Variants in DHRSX observed in about 807,000 individuals in gnomAD.
DHRSX encodes the protein polyprenol dehydrogenase.
In DHRSX, 31 loss-of-function variants were observed where a neutral mutation model predicts 34.0. That is an observed-to-expected ratio of 0.91 (90% CI 0.69 to 1.23). The LOEUF (loss-of-function observed/expected upper bound fraction) is 1.23. Among genes scored for constraint, DHRSX ranks in the 50% most tolerant of loss-of-function variants. The probability of loss-of-function intolerance (pLI) is 0.00; values close to 1 mark genes in which losing one functional copy is unlikely to be tolerated. For synonymous variants in DHRSX, 201 were observed against 183.8 expected, an observed-to-expected ratio of 1.09 and a Z score of -0.76; for missense variants, 414 against 428.1, an observed-to-expected ratio of 0.97 and a Z score of 0.29.
chrX:2,386,618 A>G (rs1207023260), intron 3 of DHRSX, among the ~76,000 whole-genome samples: 2 of 152,232 alleles, frequency 1.3e-5, no homozygotes, highest in African/African-American at 4.8e-5. Context: ...ATTTGCATGA[A>G]TTTAGCAAAA....
rs949465353 is a variant in DHRSX, at chrX:2,487,125, GTCTT to G, written c.109+13688_109+13691del. ...AAAGCAGTTCTACATGTTGGAAAAC[GTCTT>G]TCTGTTTCCCTGAATGACTGAAAGC... is the stretch of plus-strand genomic sequence containing the variant. On this transcript the variant is annotated intron_variant, in intron 1 of 6. Coordinates refer to ENST00000334651, the MANE Select transcript of DHRSX (RefSeq NM_145177.3). 2.7e-4 allele frequency: 41 copies of G among 152,308 alleles called. 1 individual carries two copies. Among genetic ancestry groups the G allele is most frequent in the African/African-American group, 7.5e-4 (31 of 41,564 alleles). 9.4% of individuals were successfully genotyped at this position (152,308 alleles called of 1,614,324 possible).
chrX:2,371,780 T>A (rs1279881113), intron 3 of DHRSX, among the ~76,000 whole-genome samples: 3 of 152,170 alleles, frequency 2.0e-5, no homozygotes, highest in Admixed American at 2.0e-4. Context: ...CTCCTCTTAT[T>A]GCAAAAGCTC....
At chrX:2,393,286 G>A (rs2043357251) in intron 3 of DHRSX, among the ~76,000 whole-genome samples, 1 of 151,976 alleles carries the variant, frequency 6.6e-6, no homozygotes, top group South Asian at 2.1e-4. Context: ...AACTATAAAT[G>A]TCTAGACATT....
intron 3 of DHRSX, among the ~76,000 whole-genome samples, chrX:2,378,860 C>T (rs754123899): frequency 5.3e-5 from 8 of 152,164 alleles, no homozygotes; most frequent in Admixed American, 2.6e-4. Context: ...TTAGTACAGA[C>T]GGGGTAGCCC....
At chrX:2,483,255 TTTATTA>T (rs762011804) in intron 1 of DHRSX, among the ~76,000 whole-genome samples, 16,726 of 151,216 alleles carry the variant, frequency 0.11, 1,439 homozygotes, top group South Asian at 0.3. Flanking sequence ...TTGGCTAATT[TTTATTA>T]TTATTATTAT....
intron 3 of DHRSX, among the ~76,000 whole-genome samples, chrX:2,336,199 G>A (rs1245250878): frequency 5.3e-5 from 8 of 151,938 alleles, no homozygotes; most frequent in South Asian, 2.1e-4. Context: ...TAGTAGAGAC[G>A]GGGTTTCACC....
intron 4 of DHRSX, among the ~76,000 whole-genome samples, chrX:2,269,086 T>C (rs1172544835): frequency 1.3e-5 from 2 of 152,278 alleles, no homozygotes; most frequent in African/African-American, 4.8e-5. Flanking sequence ...CATGTGTACA[T>C]ATCTTTCTAT....
At chrX:2,377,960 G>A (rs1462782305) in intron 3 of DHRSX, among the ~76,000 whole-genome samples, 2 of 152,080 alleles carry the variant, frequency 1.3e-5, no homozygotes, top group East Asian at 1.9e-4. Flanking sequence ...GGATGGCCTC[G>A]ATCTCTTGAC....
chrX:2,448,486 G>C (rs181640938), intron 1 of DHRSX, among the ~76,000 whole-genome samples: 2 of 149,848 alleles, frequency 1.3e-5, no homozygotes, highest in Admixed American at 6.7e-5. Context: ...ACAAAAAAAA[G>C]TAGGTGAGGT....
intron 3 of DHRSX, among the ~76,000 whole-genome samples, chrX:2,314,486 G>T (rs1370421186): frequency 1.0e-4 from 12 of 118,268 alleles, no homozygotes; most frequent in African/African-American, 6.3e-4. Flanking sequence ...AGGAAGGAAG[G>T]AAGGGAGGTA....
At chrX:2,233,343 T>G (rs1212996812) in intron 6 of DHRSX, among the ~76,000 whole-genome samples, 1 of 148,598 alleles carries the variant, frequency 6.7e-6, no homozygotes, top group Non-Finnish European at 1.5e-5. Context: ...CCCTGTGGCT[T>G]AAATAACACA....
chrX:2,484,670 C>G (rs779222890), intron 1 of DHRSX, among the ~76,000 whole-genome samples: 38 of 152,278 alleles, frequency 2.5e-4, no homozygotes, highest in African/African-American at 7.9e-4. Flanking sequence ...TTTTATAAAA[C>G]TCTCAGGTGA....
intron 5 of DHRSX, among the ~76,000 whole-genome samples, chrX:2,261,989 CAA>C (rs1330618098): frequency 6.6e-6 from 1 of 152,184 alleles, no homozygotes; most frequent in African/African-American, 2.4e-5. Context: ...GTGTCTGCAG[CAA>C]GTGCTGCTGG....
chrX:2,463,860 T>C (rs182402604), intron 1 of DHRSX, among the ~76,000 whole-genome samples: 7 of 152,236 alleles, frequency 4.6e-5, no homozygotes, highest in African/African-American at 1.7e-4. Context: ...CGCAGAAGAA[T>C]GTGGCCAAGG....
At chrX:2,323,881 A>T (rs1044958420) in intron 3 of DHRSX, among the ~76,000 whole-genome samples, 5 of 152,036 alleles carry the variant, frequency 3.3e-5, no homozygotes, top group Non-Finnish European at 7.4e-5. Flanking sequence ...GGGGTTAAGA[A>T]GAAATGACTT....
intron 1 of DHRSX, among the ~76,000 whole-genome samples, chrX:2,485,082 T>C (rs1175361191): frequency 3.3e-5 from 5 of 152,084 alleles, no homozygotes; most frequent in Non-Finnish European, 7.4e-5. Flanking sequence ...CAGCTCAGAG[T>C]TAGGGCTGTG....
chrX:2,417,737 C>T (rs1022462559), intron 2 of DHRSX, among the ~76,000 whole-genome samples: 1 of 152,126 alleles, frequency 6.6e-6, no homozygotes, highest in Non-Finnish European at 1.5e-5. Context: ...CATGCTATTA[C>T]TGAAGTAGAC....
intron 5 of DHRSX, among the ~76,000 whole-genome samples, chrX:2,250,275 A>C (rs1014396251): frequency 5.9e-5 from 9 of 152,024 alleles, no homozygotes; most frequent in Non-Finnish European, 1.3e-4. Context: ...TGGGCGGATC[A>C]CCTGATCCTT....
chrX:2,491,987 A>G (rs752972634), intron 1 of DHRSX, among the ~76,000 whole-genome samples: 2 of 152,290 alleles, frequency 1.3e-5, no homozygotes, highest in East Asian at 3.9e-4. Context: ...AAAAGGTGTA[A>G]TTGTGTCTCC....
Sources: allele counts gnomAD v4.1 joint callset (sites outside exome capture counted in the v4.1 genomes callset), GRCh38; gene constraint gnomAD v4.1.1; transcripts MANE v1.5; gene names NCBI Gene and HGNC (gene_info 2026-07-23, HGNC 2026-07-21).